The following PALM2AKAP2 variants were observed in gnomAD, a reference collection of about 807,000 sequenced individuals.
The protein encoded by PALM2AKAP2 is PALM2 and AKAP2 fusion, also known as PALM2-AKAP2 fusion protein.
In PALM2AKAP2, 37 loss-of-function variants were observed where a neutral mutation model predicts 71.5. The observed-to-expected ratio is 0.52, with a 90% CI of 0.40 to 0.68. PALM2AKAP2 has a LOEUF of 0.68. Among genes scored for constraint, PALM2AKAP2 ranks in the 30% least tolerant of loss-of-function variants. The pLI, the probability that PALM2AKAP2 is intolerant of heterozygous loss-of-function variation, is 0.00. For missense variants in PALM2AKAP2, 1,224 were observed against 1,191.8 expected, an observed-to-expected ratio of 1.03 and a Z score of -0.40; for synonymous variants, 468 against 478.8, an observed-to-expected ratio of 0.98 and a Z score of 0.29.
intron 1 of PALM2AKAP2, among the ~76,000 whole-genome samples, chr9:109,790,074 T>C (rs755900791): frequency 5.3e-5 from 8 of 152,172 alleles, no homozygotes; most frequent in Admixed American, 1.3e-4. Flanking sequence ...TTCTTTTGCA[T>C]AAGATCGAAG....
intron 1 of PALM2AKAP2, among the ~76,000 whole-genome samples, chr9:109,848,312 C>T (rs1828920068): frequency 1.3e-5 from 2 of 152,216 alleles, no homozygotes; most frequent in East Asian, 1.9e-4. Context: ...AGCTGGGACT[C>T]GAACCCAGTC....
At chr9:109,867,541 C>G in exon 2 of PALM2AKAP2, 1 of 1,612,826 alleles carries the variant, frequency 6.2e-7, no homozygotes, top group Non-Finnish European at 8.5e-7. Flanking sequence ...AACAGCTTGA[C>G]GAGCAGATAC....
chr9:110,121,959 C>G (rs1835495646), intron 1 of PALM2AKAP2, among the ~76,000 whole-genome samples: 1 of 152,198 alleles, frequency 6.6e-6, no homozygotes, highest in Non-Finnish European at 1.5e-5. Context: ...TACCTGGGAT[C>G]TCATTTTACC....
intron 1 of PALM2AKAP2, among the ~76,000 whole-genome samples, chr9:110,065,330 G>A (rs1461886849): frequency 6.6e-6 from 1 of 152,134 alleles, no homozygotes; most frequent in African/African-American, 2.4e-5. Flanking sequence ...CTGGGCCCAA[G>A]CGATACTCCC....
intron 1 of PALM2AKAP2, among the ~76,000 whole-genome samples, chr9:109,709,165 C>A (rs961935353): frequency 6.6e-5 from 10 of 152,194 alleles, no homozygotes; most frequent in Non-Finnish European, 1.2e-4. Context: ...ATTGAAGAGA[C>A]CACAGCCCAC....
At chr9:109,653,037 C>G (rs1318618719) in intron 1 of PALM2AKAP2, among the ~76,000 whole-genome samples, 1 of 152,040 alleles carries the variant, frequency 6.6e-6, no homozygotes, top group East Asian at 1.9e-4. Context: ...AAGTCATTTA[C>G]TTAAAAAATT....
intron 1 of PALM2AKAP2, among the ~76,000 whole-genome samples, chr9:110,098,043 C>A (rs1179672101): frequency 2.1e-5 from 3 of 141,228 alleles, no homozygotes; most frequent in Non-Finnish European, 4.6e-5. Flanking sequence ...TGCCTGCAAT[C>A]GCAGGCACTC....
At chr9:109,895,450 G>A (rs185302146) in intron 3 of PALM2AKAP2, among the ~76,000 whole-genome samples, 2 of 152,276 alleles carry the variant, frequency 1.3e-5, no homozygotes, top group Admixed American at 1.3e-4. Context: ...GCTCTCTCTC[G>A]GGACATCCTA....
chr9:110,005,254 C>T (rs1204765336), intron 6 of PALM2AKAP2, among the ~76,000 whole-genome samples: 1 of 152,226 alleles, frequency 6.6e-6, no homozygotes, highest in Non-Finnish European at 1.5e-5. Flanking sequence ...AGTCAGGACC[C>T]TCAGCTGCAG....
chr9:110,031,198 C>G (rs1455547147), intron 7 of PALM2AKAP2, among the ~76,000 whole-genome samples: 3 of 152,190 alleles, frequency 2.0e-5, no homozygotes, highest in African/African-American at 7.2e-5. Context: ...TCTTGGCTCA[C>G]TGCAACCTCC....
intron 1 of PALM2AKAP2, among the ~76,000 whole-genome samples, chr9:109,858,343 C>CGTT (rs1554721281): frequency 6.6e-6 from 1 of 152,010 alleles, no homozygotes; most frequent in African/African-American, 2.4e-5. Flanking sequence ...TGTTTGCTAG[C>CGTT]ATTACTTTAT....
At chr9:109,694,952 T>G (rs144514030) in intron 1 of PALM2AKAP2, among the ~76,000 whole-genome samples, 25 of 152,244 alleles carry the variant, frequency 1.6e-4, no homozygotes, top group Non-Finnish European at 1.5e-5. Context: ...TGCATGGTAT[T>G]AGGACAAGTG....
chr9:110,133,888 A>G (rs941727201), intron 1 of PALM2AKAP2, among the ~76,000 whole-genome samples: 4 of 152,338 alleles, frequency 2.6e-5, no homozygotes, highest in Middle Eastern at 3.4e-3. Flanking sequence ...TTGAAATTGA[A>G]TGGCAGCCAG....
At chr9:110,016,440 A>G (rs116708961) in intron 7 of PALM2AKAP2, among the ~76,000 whole-genome samples, 2,427 of 152,278 alleles carry the variant, frequency 0.016, 57 homozygotes, top group African/African-American at 0.055. Context: ...CCCACTGTGC[A>G]TTGTGAGGAA....
At chr9:109,709,414 T>C (rs1282725095) in intron 1 of PALM2AKAP2, among the ~76,000 whole-genome samples, 2 of 152,178 alleles carry the variant, frequency 1.3e-5, no homozygotes, top group African/African-American at 4.8e-5. Flanking sequence ...TTTGGACAAC[T>C]CCCCTGGATG....
intron 1 of PALM2AKAP2, among the ~76,000 whole-genome samples, chr9:109,746,574 A>G (rs1197999811): frequency 6.6e-6 from 1 of 152,192 alleles, no homozygotes; most frequent in Admixed American, 6.5e-5. Context: ...TAATTATTAG[A>G]ACCATAAAGA....
chr9:110,007,947 C>T (rs1832815436), intron 6 of PALM2AKAP2, among the ~76,000 whole-genome samples: 2 of 152,224 alleles, frequency 1.3e-5, no homozygotes, highest in African/African-American at 2.4e-5. Context: ...GATTCTTCTT[C>T]AGCATGCATC....
chr9:109,663,701 G>C (rs896222333), intron 1 of PALM2AKAP2, among the ~76,000 whole-genome samples: 2 of 152,150 alleles, frequency 1.3e-5, no homozygotes, highest in African/African-American at 4.8e-5. Context: ...TGTCTATTAG[G>C]TCTGCTTGTT....
chr9:109,642,956 T>G (rs1827092759), intron 1 of PALM2AKAP2, among the ~76,000 whole-genome samples: 1 of 150,968 alleles, frequency 6.6e-6, no homozygotes, highest in Admixed American at 6.6e-5. Flanking sequence ...CCCAGGAGTT[T>G]GAGAATGCGC....
Sources: gnomAD v4.1 joint callset for allele counts (sites outside exome capture counted in the v4.1 genomes callset) on GRCh38, gnomAD v4.1.1 for gene constraint, MANE v1.5 for transcripts, NCBI Gene and HGNC (gene_info 2026-07-23, HGNC 2026-07-21) for gene names.